The following WEE1 variants were observed in gnomAD, a reference collection of about 807,000 sequenced individuals.
The protein encoded by WEE1 is WEE1 G2 checkpoint kinase, also known as wee1-like protein kinase.
A neutral mutation model predicts 68.8 loss-of-function variants in WEE1; 16 were observed. The ratio of observed to expected loss-of-function variants is 0.23; its 90% confidence interval spans 0.16 to 0.35. The LOEUF is 0.35. Among genes scored for constraint, WEE1 ranks in the 10% least tolerant of loss-of-function variants. WEE1 has a pLI of 1.00. For missense variants in WEE1, 651 were observed against 824.1 expected (o/e 0.79, Z 2.57); for synonymous variants, 349 against 318.7 (o/e 1.09, Z -1.01).
intron 8 of WEE1, among the ~76,000 whole-genome samples, chr11:9,585,815 C>T (rs530049618): frequency 1.3e-5 from 2 of 152,144 alleles, no homozygotes; most frequent in South Asian, 4.2e-4. Context: ...AATCATGTAC[C>T]CATTGACTCA....
At chr11:9,586,393 CTTGT>C in intron 8 of WEE1, 52 bp from the exon 9 acceptor site, 1 of 1,506,910 alleles carries the variant, frequency 6.6e-7, no homozygotes, top group Middle Eastern at 1.9e-4. Context: ...GAGGTGTAAT[CTTGT>C]TTTATTTTGA....
Position 9,589,760 on chromosome 11 carries a change from T to C in WEE1, c.*1158T>C. ...AAAGTCACTCTGAGCTTACCTTAAT[T>C]GTCTAAATCCTTGTGATGCCTGTTT... is the stretch of plus-strand genomic sequence containing the variant. On this transcript the variant is annotated 3_prime_UTR_variant, in exon 11 of 11. Coordinates refer to ENST00000450114, the MANE Select transcript of WEE1 (RefSeq NM_003390.4). 2 of 964,374 alleles carry C rather than the reference T, an allele frequency of 2.1e-6. No homozygotes were observed. The highest frequency in any genetic ancestry group is 2.5e-6 in the Non-Finnish European group (2 of 810,422). 59.7% of individuals were successfully genotyped at this position (964,374 alleles called of 1,614,324 possible).
chr11:9,581,652 C>T lies in WEE1; in HGVS notation c.1262C>T (p.Ser421Phe), dbSNP rs779977294. The change falls in exon 6 of 11, where the codon TCT becomes TTT. Residue 421 changes from serine (S) to phenylalanine (F), a missense_variant. Ser to Phe is a radical substitution (Grantham distance 155). This residue lies in a region of WEE1 where 82 missense variants were observed against 123.2 expected (regional missense o/e 0.67). Transcript: ENST00000450114. Reference sequence around the variant, plus strand: ...GGCTTGAGGTATATTCATTCAATGTCTTTGGTTCACATGGATATAAAACCT... The same window carrying T: ...GGCTTGAGGTATATTCATTCAATGTTTTTGGTTCACATGGATATAAAACCT... ...GRGLRYIHSMSLVHMDIKPSN... is the reference protein window; with the variant it reads ...GRGLRYIHSMFLVHMDIKPSN... The T allele has an allele frequency of 1.1e-5, 17 of 1,612,914 alleles. No homozygotes were observed. Among genetic ancestry groups the T allele is most frequent in the African/African-American group, 1.3e-5 (1 of 74,976 alleles).
rs1370848441 is a variant in WEE1, at chr11:9,574,852, C to T, written c.576+343C>T. The T allele has an allele frequency of 6.1e-6, 6 of 989,294 alleles. No individual in the cohort carries two copies. Among genetic ancestry groups the T allele is most frequent in the Non-Finnish European group, 7.2e-6 (6 of 832,598 alleles). The allele number at this position is 989,294 out of a possible 1,614,324, so 61.3% of individuals were successfully genotyped here. A position where few individuals can be genotyped will look rare whatever the true frequency, so the allele number is the denominator to read the frequency against. The stretch of plus-strand genomic sequence containing the variant: ...GGTTCGCGAGGATGCTGGAGGGTGC[C>T]GGCCCGGCCACCTGACACTCCCGAG... On this transcript the variant is annotated intron_variant, in intron 1 of 10. Transcript: ENST00000450114. This position sits in a 1 kb window ranked among gnomAD's most constrained non-coding sequence, Gnocchi z 4.9.
At chr11:9,582,481 G>A (rs1323719722) in intron 6 of WEE1, among the ~76,000 whole-genome samples, 1 of 152,174 alleles carries the variant, frequency 6.6e-6, no homozygotes, top group Non-Finnish European at 1.5e-5. Flanking sequence ...GTTGATTTGT[G>A]AGAATTTCAG....
intron 8 of WEE1, among the ~76,000 whole-genome samples, chr11:9,585,811 G>C (rs1011773927): frequency 6.6e-6 from 1 of 152,104 alleles, no homozygotes; most frequent in African/African-American, 2.4e-5. Flanking sequence ...TAAAAATCAT[G>C]TACCCATTGA....
rs997965182 is a variant in WEE1 at position 9,583,201 on chromosome 11, T to C, written c.1288+1523T>C. Among the ~76,000 whole-genome samples the C allele has an allele frequency of 5.9e-5, 9 of 152,030 alleles. No homozygotes were observed. In the East Asian group the frequency reaches 1.7e-3, roughly 30 times the overall value. Reference sequence around the variant, plus strand: ...AGTGGTGCGCACCTATAGTCCTAGTTACTCGGGAGGCTGAGGCAGAAGAAT... The same window carrying C: ...AGTGGTGCGCACCTATAGTCCTAGTCACTCGGGAGGCTGAGGCAGAAGAAT... On this transcript the variant is annotated intron_variant, in intron 6 of 10. Transcript: ENST00000450114.
intron 5 of WEE1, chr11:9,579,455 T>C (rs1849600822): frequency 6.6e-6 from 1 of 152,262 alleles, no homozygotes; most frequent in African/African-American, 2.4e-5. Context: ...TATTATCTTA[T>C]TCATTTGCAT....
chr11:9,589,816 T>A lies in WEE1; in HGVS notation c.*1214T>A. On this transcript the variant is annotated 3_prime_UTR_variant, in exon 11 of 11. Transcript: ENST00000450114. Reference sequence around the variant, plus strand: ...TATTTTATCTCTATTATTGCTATACTATAAAATGTATAGTGTGTATAATGT... The same window carrying A: ...TATTTTATCTCTATTATTGCTATACAATAAAATGTATAGTGTGTATAATGT... 1 of 643,388 alleles carries A rather than the reference T, an allele frequency of 1.6e-6. No homozygotes were observed. Among genetic ancestry groups the A allele is most frequent in the Non-Finnish European group, 1.9e-6 (1 of 517,210 alleles). The allele number at this position is 643,388 out of a possible 1,614,324, so 39.9% of individuals were successfully genotyped here.
Position 9,574,671 on chromosome 11 carries a change from G to C in WEE1, c.576+162G>C. ...CCCTTGTGTTTGGCCCTGCCCCGAG[G>C]TTGTCCGTTGAGATTATGTAACTGA... On this transcript the variant is annotated intron_variant, in intron 1 of 10. Coordinates refer to ENST00000450114, the MANE Select transcript of WEE1 (RefSeq NM_003390.4). The surrounding 1 kb of genome is among the most constrained non-coding windows in gnomAD (Gnocchi z 4.9). The C allele has an allele frequency of 1.8e-6, 2 of 1,104,470 alleles. No individual in the cohort carries two copies. The highest frequency in any genetic ancestry group is 2.2e-6 in the Non-Finnish European group (2 of 907,784). The allele number at this position is 1,104,470 out of a possible 1,614,324, so 68.4% of individuals were successfully genotyped here.
At position 9,574,574 on chromosome 11, in the gene WEE1, G is replaced by C; in HGVS notation, c.576+65G>C. 8.7e-7 allele frequency: 1 copy of C among 1,151,466 alleles called. No homozygotes were observed. The highest frequency in any genetic ancestry group is 1.1e-6 in the Non-Finnish European group (1 of 937,962). 71.3% of individuals were successfully genotyped at this position (1,151,466 alleles called of 1,614,324 possible). A position where few individuals can be genotyped will look rare whatever the true frequency, so the allele number is the denominator to read the frequency against. On this transcript the variant is annotated intron_variant, in intron 1 of 10. Coordinates refer to ENST00000450114, the MANE Select transcript of WEE1 (RefSeq NM_003390.4). This position sits in a 1 kb window ranked among gnomAD's most constrained non-coding sequence, Gnocchi z 4.9. ...CGGCGCCGGAGGGGCCAGCGCCGCT[G>C]CCTGGGTTCGGTTACAGAAGCGGCC...
chr11:9,585,093 A>G (rs764064123), intron 6 of WEE1, 165 bp from the exon 7 acceptor site: 21 of 614,182 alleles, frequency 3.4e-5, no homozygotes, highest in Non-Finnish European at 4.2e-5. Context: ...CCCAGCAACT[A>G]TAACCCTGGT....
In WEE1 at chr11:9,574,195, G is replaced by C; in HGVS notation, c.262G>C (p.Glu88Gln). 1.7e-6 allele frequency: 2 copies of C among 1,172,722 alleles called. No individual in the cohort carries two copies. The highest frequency in any genetic ancestry group is 2.1e-6 in the Non-Finnish European group (2 of 950,524). The allele number at this position is 1,172,722 out of a possible 1,614,324, so 72.6% of individuals were successfully genotyped here. ...SPGPAPGSPG[E>Q]LEEDLLLPGA... ...CGGGCCGGCCCCCGGCAGCCCCGGCGAGCTGGAGGAGGACCTGTTGCTGCC... is the reference window on the plus strand; with the variant it reads ...CGGGCCGGCCCCCGGCAGCCCCGGCCAGCTGGAGGAGGACCTGTTGCTGCC... Residue 88 changes from glutamate to glutamine, a missense_variant, in exon 1 of 11, where the codon GAG becomes CAG. By Grantham distance (29) the Glu-to-Gln change is conservative. Transcript: ENST00000450114. This position sits in a 1 kb window ranked among gnomAD's most constrained non-coding sequence, Gnocchi z 4.9.
intron 6 of WEE1, among the ~76,000 whole-genome samples, chr11:9,583,255 G>A (rs1849648473): frequency 6.6e-6 from 1 of 151,822 alleles, no homozygotes; most frequent in East Asian, 1.9e-4. Flanking sequence ...GGAGGTTGCA[G>A]TGAGCCGAGA....
chr11:9,574,206 G>A lies in WEE1; in HGVS notation c.273G>A (p.Glu91=). ...PAPGSPGELE[E]DLLLPGACPG... ...CCGGCAGCCCCGGCGAGCTGGAGGA[G>A]GACCTGTTGCTGCCCGGCGCCTGCC... is the stretch of plus-strand genomic sequence containing the variant. The change falls in exon 1 of 11, where the codon GAG becomes GAA. Residue 91 remains glutamate, a synonymous_variant. Coordinates refer to ENST00000450114, the MANE Select transcript of WEE1 (RefSeq NM_003390.4). This position sits in a 1 kb window ranked among gnomAD's most constrained non-coding sequence, Gnocchi z 4.9. 1 of 1,179,910 alleles carries A rather than the reference G, an allele frequency of 8.5e-7. No homozygotes were observed. The highest frequency in any genetic ancestry group is 1.0e-6 in the Non-Finnish European group (1 of 954,846). The allele number at this position is 1,179,910 out of a possible 1,614,324, so 73.1% of individuals were successfully genotyped here.
At chr11:9,577,378 G>A (rs1034049297) in intron 5 of WEE1, 115 bp downstream of exon 5, 5 of 1,323,854 alleles carry the variant, frequency 3.8e-6, no homozygotes, top group Non-Finnish European at 5.1e-6. Context: ...TAAATTTAAA[G>A]ATCAGAGACC....
Position 9,576,500 on chromosome 11 carries a change from C to T in WEE1, c.860C>T (p.Thr287Ile), listed in dbSNP as rs1490358619. ...ETRPAKRITI[T>I]ESNMKSRYTT... ...TTTTTATTACAGAGAATTACAATTA[C>T]TGAAAGCAATATGAAGTCCCGGTAT... The change falls in exon 4 of 11, where the codon ACT becomes ATT. Residue 287 changes from threonine to isoleucine, a missense_variant. Physicochemically the swap from Thr to Ile is moderately conservative, Grantham distance 89. This residue lies in a region of WEE1 where 41 missense variants were observed against 125.6 expected (regional missense o/e 0.33). Transcript: ENST00000450114. The surrounding 1 kb of genome is among the most constrained non-coding windows in gnomAD (Gnocchi z 4.3). 1 of 1,609,916 alleles carries T rather than the reference C, an allele frequency of 6.2e-7. No individual in the cohort carries two copies. The highest frequency in any genetic ancestry group is 8.5e-7 in the Non-Finnish European group (1 of 1,178,888).
intron 6 of WEE1, 22 bp from the exon 7 acceptor site, chr11:9,585,236 T>G (rs760694319): frequency 6.5e-7 from 1 of 1,543,650 alleles, no homozygotes; most frequent in Non-Finnish European, 8.9e-7. Context: ...TAGTTTGGCT[T>G]ACATAATTAA....
chr11:9,582,906 G>A (rs1187941292), intron 6 of WEE1, among the ~76,000 whole-genome samples: 1 of 152,126 alleles, frequency 6.6e-6, no homozygotes, highest in African/African-American at 2.4e-5. Context: ...TTGGATTTAA[G>A]GCAGTAAATG....
Sources: allele counts gnomAD v4.1 joint callset (sites outside exome capture counted in the v4.1 genomes callset), GRCh38; gene constraint gnomAD v4.1.1; regional missense constraint gnomAD v4.1.1; non-coding constraint Gnocchi (gnomAD v3.1); transcripts MANE v1.5; gene names NCBI Gene and HGNC (gene_info 2026-07-23, HGNC 2026-07-21).